The following WDFY2 variants were observed in gnomAD, a reference collection of about 807,000 sequenced individuals.
WDFY2 encodes WD repeat and FYVE domain-containing protein 2.
WDFY2 carries 36 observed loss-of-function variants against 56.4 expected under a neutral mutation model. The observed-to-expected ratio is 0.64, with a 90% CI of 0.49 to 0.84. WDFY2 has a LOEUF of 0.84. Ranked by LOEUF, WDFY2 falls within the 40% of genes least tolerant of loss-of-function variation. WDFY2 has a pLI of 0.00. For missense variants in WDFY2, 444 were observed against 512.2 expected, an observed-to-expected ratio of 0.87 and a Z score of 1.29; for synonymous variants, 176 against 183.7, an observed-to-expected ratio of 0.96 and a Z score of 0.34.
intron 8 of WDFY2, among the ~76,000 whole-genome samples, chr13:51,754,661 T>A (rs1953323144): frequency 6.6e-6 from 1 of 152,238 alleles, no homozygotes; most frequent in Admixed American, 6.5e-5. Flanking sequence ...ATCTTTTGTA[T>A]CATCTGCCAT....
At chr13:51,623,554 G>T (rs1209611063) in intron 1 of WDFY2, among the ~76,000 whole-genome samples, 1 of 151,992 alleles carries the variant, frequency 6.6e-6, no homozygotes, top group African/African-American at 2.4e-5. Context: ...ATAACCAGTT[G>T]TGACTATACT....
intron 1 of WDFY2, among the ~76,000 whole-genome samples, chr13:51,623,388 T>C (rs931400969): frequency 6.6e-6 from 1 of 152,086 alleles, no homozygotes; most frequent in African/African-American, 2.4e-5. Context: ...GACAGGGATG[T>C]GAAAGAACAG....
At chr13:51,691,856 G>A (rs1032281757) in intron 3 of WDFY2, among the ~76,000 whole-genome samples, 1 of 151,672 alleles carries the variant, frequency 6.6e-6, no homozygotes, top group African/African-American at 2.4e-5. Context: ...ATTTGTTTGT[G>A]TCCTCTTTTA....
rs1953729654 is a variant in WDFY2 at position 51,765,849 on chromosome 13, G to A, written c.*6080G>A. ...TCATGGTACCATCTCATTAAAAATA[G>A]ATACCTCAAAATGTTTACCTTTACA... is the stretch of plus-strand genomic sequence containing the variant. On this transcript the variant is annotated 3_prime_UTR_variant, in exon 12 of 12. Coordinates refer to ENST00000298125, the MANE Select transcript of WDFY2 (RefSeq NM_052950.4). The A allele has an allele frequency of 6.6e-6, 1 of 152,202 alleles. No homozygotes were observed. The highest frequency in any genetic ancestry group is 2.4e-5 in the African/African-American group (1 of 41,458). 9.4% of individuals were successfully genotyped at this position (152,202 alleles called of 1,614,324 possible). A position where few individuals can be genotyped will look rare whatever the true frequency, so the allele number is the denominator to read the frequency against.
At chr13:51,667,879 CTTTTTTTTTTTTT>C (rs66771214) in intron 2 of WDFY2, among the ~76,000 whole-genome samples, 967 of 50,116 alleles carry the variant, frequency 0.019, 26 homozygotes, top group African/African-American at 0.086. Flanking sequence ...TGAGGAACTT[CTTTTTTTTTTTTT>C]TTTTTTTTTT....
At chr13:51,685,564 T>C (rs897692623) in intron 3 of WDFY2, among the ~76,000 whole-genome samples, 1 of 151,994 alleles carries the variant, frequency 6.6e-6, no homozygotes, top group African/African-American at 2.4e-5. Flanking sequence ...ACTAAGAAAA[T>C]CATAAGGAAG....
chr13:51,703,468 T>G (rs1011633440), intron 3 of WDFY2, 128 bp from the exon 4 acceptor site: 1 of 666,512 alleles, frequency 1.5e-6, no homozygotes, highest in Non-Finnish European at 2.5e-6. Context: ...AATTCTGAGT[T>G]GATGGGCAAA....
At chr13:51,612,375 T>G (rs57059650) in intron 1 of WDFY2, among the ~76,000 whole-genome samples, 2,057 of 152,352 alleles carry the variant, frequency 0.014, 54 homozygotes, top group African/African-American at 0.048. Flanking sequence ...GATACTGCTT[T>G]GGAATTCTTA....
intron 2 of WDFY2, 74 bp from the exon 3 acceptor site, chr13:51,675,096 T>C: frequency 1.5e-6 from 2 of 1,371,804 alleles, no homozygotes; most frequent in Admixed American, 1.7e-5. Flanking sequence ...CCCACACTTT[T>C]AGCTAGTTAG....
At chr13:51,626,429 T>C (rs1238478886) in intron 1 of WDFY2, among the ~76,000 whole-genome samples, 1 of 152,172 alleles carries the variant, frequency 6.6e-6, no homozygotes, top group Non-Finnish European at 1.5e-5. Context: ...CACAAAAATA[T>C]AGGAACATAC....
At position 51,706,029 on chromosome 13, in the gene WDFY2, G is replaced by T. The variant is rs543302416; in HGVS notation, c.334+2379G>T. On this transcript the variant is annotated intron_variant, in intron 4 of 11. Transcript: ENST00000298125. ...GTTAAAATAATGTTTGGCCTCACAG[G>T]TATAAGTATAATGAGCATATCACTA... Among the ~76,000 whole-genome samples the T allele has an allele frequency of 2.6e-5, 4 of 152,168 alleles. No homozygotes were observed. In the South Asian group the frequency reaches 8.3e-4, roughly 32 times the overall value.
At chr13:51,742,785 G>A (rs1953004463) in intron 7 of WDFY2, among the ~76,000 whole-genome samples, 1 of 151,998 alleles carries the variant, frequency 6.6e-6, no homozygotes. Flanking sequence ...CTTATGTGAG[G>A]CTAGGTCACA....
At chr13:51,600,029 A>C (rs1392779664) in intron 1 of WDFY2, among the ~76,000 whole-genome samples, 1 of 152,054 alleles carries the variant, frequency 6.6e-6, no homozygotes, top group Admixed American at 6.6e-5. Flanking sequence ...CCTCATCTCC[A>C]GATAGCTGCA....
At position 51,759,767 on chromosome 13, in the gene WDFY2, TGATGACTCTCCCAG is replaced by T. The variant is rs754209407; in HGVS notation, c.*1_*14del. On this transcript the variant is annotated stop_retained_variant and 3_prime_UTR_variant, in exon 12 of 12. Transcript: ENST00000298125. Reference sequence around the variant, plus strand: ...GTGGGATATGACCCCAGTCGTGTCTTGATGACTCTCCCAGGAATCAGAAAGATAGTATTTACTAA... The same window carrying T: ...GTGGGATATGACCCCAGTCGTGTCTTGAATCAGAAAGATAGTATTTACTAA... 2.5e-6 allele frequency: 4 copies of T among 1,613,948 alleles called. No individual in the cohort carries two copies. Among genetic ancestry groups the T allele is most frequent in the Admixed American group, 3.3e-5 (2 of 59,986 alleles).
intron 1 of WDFY2, chr13:51,589,873 A>G (rs899834994): frequency 2.6e-5 from 4 of 152,202 alleles, no homozygotes; most frequent in African/African-American, 9.7e-5. Flanking sequence ...CTTGTCCTGT[A>G]TGATTGTGGA....
chr13:51,755,138 T>C (rs1953338485), intron 8 of WDFY2, among the ~76,000 whole-genome samples: 1 of 152,206 alleles, frequency 6.6e-6, no homozygotes, highest in African/African-American at 2.4e-5. Context: ...TTAATCATAT[T>C]TTCATGATGG....
chr13:51,688,542 T>G lies in WDFY2; in HGVS notation c.279+13299T>G, dbSNP rs150379923. ...AGCCTCTGACCCTGAGACTTTTTCC[T>G]TAGTATCTCTAGACTTTCATTTCCC... On this transcript the variant is annotated intron_variant, in intron 3 of 11. Transcript: ENST00000298125. 2.9e-3 allele frequency among the ~76,000 whole-genome samples: 440 copies of G among 152,254 alleles called. 2 individuals are homozygous for G. The highest frequency in any genetic ancestry group is 4.8e-3 in the Non-Finnish European group (325 of 68,018).
intron 2 of WDFY2, among the ~76,000 whole-genome samples, chr13:51,662,414 C>T (rs951952884): frequency 6.6e-6 from 1 of 152,100 alleles, no homozygotes; most frequent in Non-Finnish European, 1.5e-5. Flanking sequence ...GGTCCCATGA[C>T]GCTGCAAAAG....
chr13:51,711,538 C>T (rs996216677), intron 4 of WDFY2, among the ~76,000 whole-genome samples: 1 of 152,196 alleles, frequency 6.6e-6, no homozygotes, highest in Non-Finnish European at 1.5e-5. Context: ...ACAATCTACC[C>T]ATCTGACAAA....
Sources: gnomAD v4.1 joint callset for allele counts (sites outside exome capture counted in the v4.1 genomes callset) on GRCh38, gnomAD v4.1.1 for gene constraint, MANE v1.5 for transcripts, NCBI Gene and HGNC (gene_info 2026-07-23, HGNC 2026-07-21) for gene names.